The following PSD3 variants were observed in gnomAD, a reference collection of about 807,000 sequenced individuals.
The protein encoded by PSD3 is pleckstrin and Sec7 domain containing 3, also known as PH and SEC7 domain-containing protein 3.
PSD3 carries 49 observed loss-of-function variants against 105.5 expected under a neutral mutation model. That is an observed-to-expected ratio of 0.46 (90% CI 0.37 to 0.59). The LOEUF is 0.59. PSD3 is among the 20% of genes least tolerant of loss of function. The pLI is 0.00. For synonymous variants in PSD3, 557 were observed against 457.8 expected (o/e 1.22, Z -2.77); for missense variants, 1,561 against 1,263.8 (o/e 1.24, Z -3.57).
chr8:18,692,559 G>A (rs927305197), intron 9 of PSD3, among the ~76,000 whole-genome samples: 7 of 152,134 alleles, frequency 4.6e-5, no homozygotes, highest in African/African-American at 1.7e-4. Flanking sequence ...AGGCCATAAT[G>A]GAGCGGGAGC....
intron 12 of PSD3, among the ~76,000 whole-genome samples, chr8:18,592,070 C>T (rs983892826): frequency 2.6e-5 from 4 of 151,888 alleles, no homozygotes; most frequent in Non-Finnish European, 5.9e-5. Flanking sequence ...AAATGAATTT[C>T]CAGAAATTGA....
intron 2 of PSD3, among the ~76,000 whole-genome samples, chr8:18,926,824 T>C (rs959125668): frequency 1.5e-4 from 23 of 152,126 alleles, no homozygotes; most frequent in African/African-American, 5.3e-4. Context: ...TACCCGGATA[T>C]GGCATCAGAT....
chr8:19,083,477 C>A (rs1196839760), intron 1 of PSD3, among the ~76,000 whole-genome samples: 3 of 152,224 alleles, frequency 2.0e-5, no homozygotes, highest in Non-Finnish European at 4.4e-5. Context: ...GGAGGCCACA[C>A]AGGGCTGCCT....
At chr8:18,661,933 C>A (rs571452513) in intron 9 of PSD3, among the ~76,000 whole-genome samples, 2 of 152,234 alleles carry the variant, frequency 1.3e-5, no homozygotes, top group South Asian at 4.2e-4. Context: ...TATTCATAAG[C>A]AACCTGGTCA....
intron 9 of PSD3, among the ~76,000 whole-genome samples, chr8:18,662,497 A>G (rs1247165502): frequency 6.6e-6 from 1 of 152,246 alleles, no homozygotes; most frequent in Non-Finnish European, 1.5e-5. Flanking sequence ...TTCTTGAGAG[A>G]AAGATTTGAT....
At chr8:18,632,444 G>C (rs1806970339) in intron 11 of PSD3, among the ~76,000 whole-genome samples, 169 bp downstream of exon 11, 1 of 152,034 alleles carries the variant, frequency 6.6e-6, no homozygotes, top group Non-Finnish European at 1.5e-5. Flanking sequence ...GAGAAGAGCA[G>C]GTGCCACATT....
intron 4 of PSD3, among the ~76,000 whole-genome samples, chr8:18,822,484 C>T (rs1188075904): frequency 2.6e-5 from 4 of 152,246 alleles, no homozygotes; most frequent in Non-Finnish European, 2.9e-5. Flanking sequence ...CCACCTGGTG[C>T]GAGAATAAAG....
At chr8:19,038,295 T>C (rs1216487925) in intron 1 of PSD3, among the ~76,000 whole-genome samples, 1 of 152,144 alleles carries the variant, frequency 6.6e-6, no homozygotes, top group Non-Finnish European at 1.5e-5. Flanking sequence ...TCTCTTACCG[T>C]CTAATTTCTT....
chr8:18,666,923 C>T (rs1010516534), intron 9 of PSD3, among the ~76,000 whole-genome samples: 5 of 152,198 alleles, frequency 3.3e-5, no homozygotes, highest in African/African-American at 1.2e-4. Flanking sequence ...ACTTCCCTCG[C>T]GGTCAGTGTT....
Position 18,539,010 on chromosome 8 carries a change from T to TA in PSD3, c.2929-3053dup, listed in dbSNP as rs145858259. On this transcript the variant is annotated intron_variant, in intron 15 of 15. Transcript: ENST00000327040. ...CAAACGCCGTGCCCCATTTCTGACTTAAAAAAGGCTTATAGGGACACAGGT... is the reference window on the plus strand; with the variant it reads ...CAAACGCCGTGCCCCATTTCTGACTTAAAAAAAGGCTTATAGGGACACAGGT... 2.9e-3 allele frequency among the ~76,000 whole-genome samples: 441 copies of TA among 152,242 alleles called. 4 individuals carry two copies. Among genetic ancestry groups the TA allele is most frequent in the East Asian group, 0.014 (72 of 5,164 alleles).
At chr8:18,809,717 G>A (rs1441890580) in intron 4 of PSD3, among the ~76,000 whole-genome samples, 1 of 151,996 alleles carries the variant, frequency 6.6e-6, no homozygotes, top group Non-Finnish European at 1.5e-5. Flanking sequence ...ATTGCCAACT[G>A]GTAGCTTATT....
chr8:18,672,826 T>A (rs933650191), intron 9 of PSD3, among the ~76,000 whole-genome samples: 1 of 152,172 alleles, frequency 6.6e-6, no homozygotes, highest in African/African-American at 2.4e-5. Flanking sequence ...AGATGAAACC[T>A]TTTGCTTTTC....
intron 11 of PSD3, among the ~76,000 whole-genome samples, chr8:18,623,525 A>G (rs547188485): frequency 8.6e-5 from 13 of 150,992 alleles, no homozygotes; most frequent in Admixed American, 2.0e-4. Context: ...CTGTAGTCCC[A>G]GCTATCTGGG....
At chr8:18,941,251 C>A (rs1455299168) in intron 1 of PSD3, among the ~76,000 whole-genome samples, 1 of 152,204 alleles carries the variant, frequency 6.6e-6, no homozygotes, top group Non-Finnish European at 1.5e-5. Context: ...GTCAGGTGAT[C>A]AGACTTAAAT....
intron 11 of PSD3, among the ~76,000 whole-genome samples, chr8:18,623,528 T>C (rs1374025086): frequency 6.8e-6 from 1 of 146,426 alleles, no homozygotes; most frequent in Non-Finnish European, 1.5e-5. Flanking sequence ...TAGTCCCAGC[T>C]ATCTGGGTGG....
At chr8:18,987,291 T>A (rs914236011) in intron 1 of PSD3, among the ~76,000 whole-genome samples, 3 of 147,254 alleles carry the variant, frequency 2.0e-5, no homozygotes, top group South Asian at 2.2e-4. Flanking sequence ...TTTTTTTTTT[T>A]ATATATATTT....
intron 9 of PSD3, among the ~76,000 whole-genome samples, chr8:18,666,747 G>C (rs1008692389): frequency 6.6e-6 from 1 of 151,530 alleles, no homozygotes; most frequent in African/African-American, 2.4e-5. Flanking sequence ...GAAGTAGCTG[G>C]AAGCACACAT....
At chr8:18,827,791 T>C (rs1300787875) in intron 4 of PSD3, among the ~76,000 whole-genome samples, 2 of 151,444 alleles carry the variant, frequency 1.3e-5, no homozygotes, top group Non-Finnish European at 2.9e-5. Context: ...GCCAATTATA[T>C]ATGAGAGATG....
intron 2 of PSD3, among the ~76,000 whole-genome samples, chr8:18,917,079 C>T (rs1446589693): frequency 2.0e-5 from 3 of 152,162 alleles, no homozygotes; most frequent in East Asian, 3.9e-4. Flanking sequence ...TCCTCCCTCC[C>T]ATCCACCCAG....
Sources: gnomAD v4.1 joint callset for allele counts (sites outside exome capture counted in the v4.1 genomes callset) on GRCh38, gnomAD v4.1.1 for gene constraint, MANE v1.5 for transcripts, NCBI Gene and HGNC (gene_info 2026-07-23, HGNC 2026-07-21) for gene names.